The following GLDC variants were observed in gnomAD, a reference collection of about 807,000 sequenced individuals.
GLDC encodes glycine dehydrogenase (decarboxylating), mitochondrial.
Under a neutral mutation model 121.3 loss-of-function variants are expected in GLDC, and 104 were observed. The ratio of observed to expected loss-of-function variants is 0.86; its 90% CI spans 0.73 to 1.01. The LOEUF is 1.01. GLDC is among the 50% of genes least tolerant of loss of function. The pLI is 0.00. For synonymous variants in GLDC, 546 were observed against 480.6 expected (o/e 1.14, Z -1.78); for missense variants, 1,429 against 1,306.6 (o/e 1.09, Z -1.44).
intron 2 of GLDC, among the ~76,000 whole-genome samples, chr9:6,634,669 A>T (rs1018197995): frequency 6.6e-6 from 1 of 152,198 alleles, no homozygotes; most frequent in Non-Finnish European, 1.5e-5. Context: ...GACTCCTCCC[A>T]TGGGCAGCTG....
intron 8 of GLDC, 108 bp downstream of exon 8, chr9:6,602,001 C>A (rs560227807): frequency 2.6e-6 from 2 of 755,992 alleles, no homozygotes; most frequent in Non-Finnish European, 4.8e-6. Flanking sequence ...TTCTGGTGTG[C>A]TCACTGCTCA....
intron 15 of GLDC, chr9:6,585,069 C>T (rs920094057): frequency 1.3e-5 from 2 of 152,192 alleles, no homozygotes; most frequent in Non-Finnish European, 2.9e-5. Context: ...CCCAGTCATT[C>T]TCCATTGAGA....
At chr9:6,542,032 G>C (rs1817277068) in intron 21 of GLDC, 1 of 151,954 alleles carries the variant, frequency 6.6e-6, no homozygotes, top group Non-Finnish European at 1.5e-5. Context: ...ACGAGGTCCA[G>C]AGATCAAGAC....
chr9:6,587,618 A>G (rs962257895), intron 14 of GLDC, among the ~76,000 whole-genome samples: 10 of 152,202 alleles, frequency 6.6e-5, no homozygotes, highest in African/African-American at 2.4e-4. Flanking sequence ...ACTCTTATAT[A>G]GCAATAGATT....
chr9:6,594,760 C>G (rs1304429508), intron 9 of GLDC, among the ~76,000 whole-genome samples: 1 of 135,260 alleles, frequency 7.4e-6, no homozygotes, highest in African/African-American at 2.8e-5. Context: ...AGCAAGAAAG[C>G]AAGCAAGCAA....
chr9:6,556,280 A>G lies in GLDC; in HGVS notation c.2075T>C (p.Leu692Pro). ...TGGGTATGTAATCATGATAGCTGCT[A>G]GGTTCTCCTTGTGCTTATCCACCTG... ...KAMVDKHKEN[L>P]AAIMITYPST... The change falls in exon 18 of 25, where the codon CTA (leucine) becomes CCA (proline). Residue 692 changes from leucine (L) to proline (P), a missense_variant. Transcript: ENST00000321612. 1 of 1,613,646 alleles carries G rather than the reference A, an allele frequency of 6.2e-7. No individual in the cohort carries two copies. Among genetic ancestry groups the G allele is most frequent in the Non-Finnish European group, 8.5e-7 (1 of 1,179,534 alleles).
chr9:6,566,849 G>C (rs920670053), intron 15 of GLDC, among the ~76,000 whole-genome samples: 2 of 152,108 alleles, frequency 1.3e-5, no homozygotes, highest in African/African-American at 4.8e-5. Flanking sequence ...AAATCGGTAA[G>C]AATTTTAAAA....
rs181815177 is a variant in GLDC at position 6,538,029 on chromosome 9, C to G, written c.2666-1793G>C. On this transcript the variant is annotated intron_variant, in intron 22 of 24. Transcript: ENST00000321612. Reference sequence around the variant, plus strand: ...TCACATATTTTTGTGATAAAACTTACAGTGAAATGCACAAATCCTAACTGT... The same window carrying G: ...TCACATATTTTTGTGATAAAACTTAGAGTGAAATGCACAAATCCTAACTGT... 4.4e-3 allele frequency among the ~76,000 whole-genome samples: 663 copies of G among 152,222 alleles called. 3 individuals are homozygous for G. The highest frequency in any genetic ancestry group is 0.015 in the African/African-American group (619 of 41,528).
intron 11 of GLDC, among the ~76,000 whole-genome samples, chr9:6,589,891 C>T (rs745991856): frequency 3.7e-4 from 56 of 152,056 alleles, no homozygotes; most frequent in Non-Finnish European, 7.5e-4. Context: ...CCCGTCTCTA[C>T]TAAAAAATAC....
chr9:6,556,929 G>A (rs1204462476), intron 17 of GLDC, among the ~76,000 whole-genome samples: 1 of 152,124 alleles, frequency 6.6e-6, no homozygotes, highest in African/African-American at 2.4e-5. Flanking sequence ...TTTTCCCTTG[G>A]TTCAAGTCAT....
chr9:6,623,875 G>A (rs1819174081), intron 2 of GLDC, among the ~76,000 whole-genome samples: 1 of 152,224 alleles, frequency 6.6e-6, no homozygotes, highest in Admixed American at 6.5e-5. Context: ...GGGGCAGAAT[G>A]ATTCAGACGC....
chr9:6,586,276 C>G (rs976776757), intron 15 of GLDC, among the ~76,000 whole-genome samples: 2 of 152,008 alleles, frequency 1.3e-5, no homozygotes, highest in Admixed American at 6.6e-5. Flanking sequence ...GCCTGGGCAA[C>G]AAGAGCAAAA....
chr9:6,591,610 G>C (rs183368749), intron 11 of GLDC, among the ~76,000 whole-genome samples: 53 of 152,130 alleles, frequency 3.5e-4, no homozygotes, highest in African/African-American at 1.3e-3. Flanking sequence ...TTGAGATGGA[G>C]TTTTGCTCTT....
intron 2 of GLDC, among the ~76,000 whole-genome samples, chr9:6,632,771 A>G (rs757127354): frequency 6.6e-6 from 1 of 152,114 alleles, no homozygotes; most frequent in Non-Finnish European, 1.5e-5. Context: ...CTCTCTCTCA[A>G]CCTCACTGAG....
chr9:6,613,379 C>T (rs1457893344), intron 3 of GLDC, among the ~76,000 whole-genome samples: 2 of 152,120 alleles, frequency 1.3e-5, no homozygotes, highest in African/African-American at 2.4e-5. Flanking sequence ...GTAATACCAA[C>T]ACTTTGGGAG....
At chr9:6,575,752 T>C (rs1332544367) in intron 15 of GLDC, among the ~76,000 whole-genome samples, 2 of 152,138 alleles carry the variant, frequency 1.3e-5, no homozygotes, top group African/African-American at 4.8e-5. Flanking sequence ...CCATGGGAGG[T>C]GTTAATTACT....
At chr9:6,573,647 C>CT (rs896970171) in intron 15 of GLDC, among the ~76,000 whole-genome samples, 16 of 152,232 alleles carry the variant, frequency 1.1e-4, no homozygotes, top group African/African-American at 3.6e-4. Context: ...TGTTGGACAT[C>CT]TTTGATGTCA....
intron 7 of GLDC, among the ~76,000 whole-genome samples, chr9:6,602,861 C>A (rs79884793): frequency 3.3e-5 from 5 of 152,150 alleles, no homozygotes; most frequent in Non-Finnish European, 7.4e-5. Flanking sequence ...GTGGATTCTA[C>A]ACCACAGATT....
chr9:6,640,367 C>T (rs1819605282), intron 2 of GLDC, among the ~76,000 whole-genome samples: 1 of 152,260 alleles, frequency 6.6e-6, no homozygotes, highest in Non-Finnish European at 1.5e-5. Flanking sequence ...TGGGCATCAT[C>T]TGGCTAAAGA....
Sources: gnomAD v4.1 joint callset for allele counts (sites outside exome capture counted in the v4.1 genomes callset) on GRCh38, gnomAD v4.1.1 for gene constraint, MANE v1.5 for transcripts, NCBI Gene and HGNC (gene_info 2026-07-23, HGNC 2026-07-21) for gene names.